HACE1: variants seen among roughly 807,000 people sequenced by gnomAD.
HACE1 encodes the protein E3 ubiquitin-protein ligase HACE1.
HACE1 carries 73 observed loss-of-function variants against 118.4 expected under a neutral mutation model. The ratio of observed to expected loss-of-function variants is 0.62; its 90% CI spans 0.51 to 0.75. The LOEUF (loss-of-function observed/expected upper bound fraction) is 0.75, where lower values mean the gene tolerates loss of function less well. HACE1 is among the 30% of genes least tolerant of loss of function. The pLI is 0.00. For missense variants in HACE1, 749 were observed against 1,102.2 expected (o/e 0.68, Z 4.54); for synonymous variants, 368 against 374.8 (o/e 0.98, Z 0.21).
intron 19 of HACE1, among the ~76,000 whole-genome samples, chr6:104,756,320 G>A (rs542415398): frequency 3.3e-5 from 5 of 150,712 alleles, no homozygotes; most frequent in Non-Finnish European, 5.9e-5. Flanking sequence ...GCTGAGGCAG[G>A]AGAATTTCTT....
At chr6:104,795,158 T>G (rs372205019) in intron 10 of HACE1, among the ~76,000 whole-genome samples, 1 of 152,042 alleles carries the variant, frequency 6.6e-6, no homozygotes, top group Non-Finnish European at 1.5e-5. Flanking sequence ...AGAACTTAAC[T>G]GAGGGGGACA....
At chr6:104,802,611 A>C (rs928324128) in intron 7 of HACE1, among the ~76,000 whole-genome samples, 1 of 152,244 alleles carries the variant, frequency 6.6e-6, no homozygotes, top group African/African-American at 2.4e-5. Flanking sequence ...CTCCTGAATG[A>C]CTATTGGGTA....
At chr6:104,744,266 A>ATG (rs1224384618) in intron 21 of HACE1, 36 bp from the exon 22 acceptor site, 1 of 1,304,408 alleles carries the variant, frequency 7.7e-7, no homozygotes, top group East Asian at 2.3e-5. Flanking sequence ...CTCATATTTC[A>ATG]GAGCAATTGT....
At chr6:104,771,806 T>A in intron 18 of HACE1, 119 bp downstream of exon 18, 1 of 751,536 alleles carries the variant, frequency 1.3e-6, no homozygotes, top group Non-Finnish European at 2.3e-6. Flanking sequence ...CATATACAGA[T>A]GGGCTCCAAT....
intron 7 of HACE1, among the ~76,000 whole-genome samples, chr6:104,805,725 G>A (rs1416789830): frequency 6.6e-6 from 1 of 152,170 alleles, no homozygotes; most frequent in Non-Finnish European, 1.5e-5. Context: ...GGCTGGGGGA[G>A]GGATAGCATT....
At chr6:104,787,922 T>C (rs1205356715) in intron 11 of HACE1, among the ~76,000 whole-genome samples, 1 of 152,160 alleles carries the variant, frequency 6.6e-6, no homozygotes, top group Admixed American at 6.5e-5. Context: ...TGGACCTTTC[T>C]TTACTTTTCT....
rs527688296 is a variant in HACE1 at position 104,767,931 on chromosome 6, T to C, written c.2211+3262A>G. ...TTTTTCTCCAAGCCTGGATGAACTT[T>C]ATGACTAATATTATAAAAGTGATGC... On this transcript the variant is annotated intron_variant, in intron 19 of 23. Coordinates refer to ENST00000262903, the MANE Select transcript of HACE1 (RefSeq NM_020771.4). 7.2e-5 allele frequency among the ~76,000 whole-genome samples: 11 copies of C among 152,304 alleles called. No homozygotes were observed. In the South Asian group the frequency reaches 1.9e-3, roughly 26 times the overall value.
chr6:104,808,609 T>C (rs1466354628), intron 7 of HACE1, among the ~76,000 whole-genome samples: 1 of 151,182 alleles, frequency 6.6e-6, no homozygotes, highest in African/African-American at 2.5e-5. Context: ...TTGAATATGA[T>C]ATAATATATT....
intron 2 of HACE1, 42 bp from the exon 3 acceptor site, chr6:104,851,038 T>G (rs1776152280): frequency 8.8e-7 from 1 of 1,142,116 alleles, no homozygotes. Context: ...TAAAAAAAGT[T>G]TTTAAAAACA....
rs774982768 is a variant in HACE1 at position 104,796,720 on chromosome 6, A to G, written c.751T>C (p.Tyr251His). ...ATAGTCTGAAAAAGCCTCGGGTGAT[A>G]TTGAATTAATACTTCACAAGTCTCT... ...YGETCEVLIQ[Y>H]HPRLFQTIIQ... The change falls in exon 9 of 24, where the codon TAT becomes CAT. Residue 251 changes from tyrosine (Y) to histidine (H), a missense_variant. Physicochemically the swap from Tyr to His is moderately conservative, Grantham distance 83. This residue lies in a region of HACE1 where 267 missense variants were observed against 312.2 expected (regional missense o/e 0.86). Coordinates refer to ENST00000262903, the MANE Select transcript of HACE1 (RefSeq NM_020771.4). 8 of 1,593,654 alleles carry G rather than the reference A, an allele frequency of 5.0e-6. No homozygotes were observed. In the South Asian group the frequency reaches 8.8e-5, roughly 18 times the overall value.
intron 14 of HACE1, 37 bp downstream of exon 14, chr6:104,784,049 C>A: frequency 1.0e-6 from 1 of 986,596 alleles, no homozygotes; most frequent in South Asian, 1.3e-5. Context: ...AAATTAATTT[C>A]ATTAGATAGA....
chr6:104,812,213 C>CAATA (rs1771697662), intron 6 of HACE1, among the ~76,000 whole-genome samples: 1 of 151,870 alleles, frequency 6.6e-6, no homozygotes, highest in South Asian at 2.1e-4. Context: ...AAACATGAGG[C>CAATA]AATAGGTGGC....
At chr6:104,782,462 T>G (rs964468895) in intron 14 of HACE1, 1 of 152,104 alleles carries the variant, frequency 6.6e-6, no homozygotes, top group African/African-American at 2.4e-5. Flanking sequence ...CCAGCCTGAG[T>G]GACAGGTAAA....
At chr6:104,802,479 T>G (rs1770489781) in intron 7 of HACE1, among the ~76,000 whole-genome samples, 1 of 152,192 alleles carries the variant, frequency 6.6e-6, no homozygotes, top group Non-Finnish European at 1.5e-5. Flanking sequence ...AAAGCACTCC[T>G]CAGCAAATGT....
rs1775943683 is a variant in HACE1, at chr6:104,849,251, A to G, written c.222-5T>C. On this transcript the variant is annotated splice_region_variant and splice_polypyrimidine_tract_variant and intron_variant, in intron 3 of 23. Coordinates refer to ENST00000262903, the MANE Select transcript of HACE1 (RefSeq NM_020771.4). ...AAGCATTCCACCGATCCACAACTAA[A>G]ACAATATTAAAAGACAGTTCAGATA... is the stretch of plus-strand genomic sequence containing the variant. 1 of 1,527,522 alleles carries G rather than the reference A, an allele frequency of 6.5e-7. No homozygotes were observed. The highest frequency in any genetic ancestry group is 9.1e-7 in the Non-Finnish European group (1 of 1,101,072). 94.6% of individuals were successfully genotyped at this position (1,527,522 alleles called of 1,614,324 possible). A position where few individuals can be genotyped will look rare whatever the true frequency, so the allele number is the denominator to read the frequency against.
intron 19 of HACE1, among the ~76,000 whole-genome samples, chr6:104,757,831 C>T (rs1448730662): frequency 2.0e-5 from 3 of 152,180 alleles, no homozygotes; most frequent in South Asian, 2.1e-4. Context: ...ACTAGAATAA[C>T]CAGTGTAGAG....
Position 104,777,023 on chromosome 6 carries a change from T to C in HACE1, c.1766A>G (p.Glu589Gly). 1 of 1,607,008 alleles carries C rather than the reference T, an allele frequency of 6.2e-7. No homozygotes were observed. The highest frequency in any genetic ancestry group is 8.5e-7 in the Non-Finnish European group (1 of 1,173,980). Reference protein sequence around the residue: ...KQGIAVRFHGEEGMGQGVVRE... With the variant: ...KQGIAVRFHGGEGMGQGVVRE... ...TTCTTTTATACCCACCATGCCTTCT[T>C]CTCCATGGAACCGTACAGCAATCCC... Residue 589 changes from glutamate to glycine, a missense_variant, in exon 16 of 24, where the codon GAA (glutamate) becomes GGA (glycine). Around this residue, in one of 5 missense-constraint regions of HACE1, gnomAD observed 195 missense variants for 322.1 expected, o/e 0.61. Coordinates refer to ENST00000262903, the MANE Select transcript of HACE1 (RefSeq NM_020771.4).
At chr6:104,857,765 A>G (rs552397212) in intron 1 of HACE1, among the ~76,000 whole-genome samples, 8 of 151,976 alleles carry the variant, frequency 5.3e-5, no homozygotes, top group African/African-American at 7.2e-5. Flanking sequence ...AGACCATCCT[A>G]GCTAACACGG....
chr6:104,775,732 T>C (rs2114739135), intron 17 of HACE1, among the ~76,000 whole-genome samples: 1 of 152,266 alleles, frequency 6.6e-6, no homozygotes, highest in East Asian at 1.9e-4. Flanking sequence ...TCAAAGTGTA[T>C]CCACGAAACC....
Sources: allele counts gnomAD v4.1 joint callset (sites outside exome capture counted in the v4.1 genomes callset), GRCh38; gene constraint gnomAD v4.1.1; regional missense constraint gnomAD v4.1.1; transcripts MANE v1.5; gene names NCBI Gene and HGNC (gene_info 2026-07-23, HGNC 2026-07-21).